Variants in EXOC6 observed in about 807,000 individuals in gnomAD.
EXOC6 encodes the protein exocyst complex component 6.
EXOC6 carries 60 observed loss-of-function variants against 112.5 expected under a neutral mutation model. The ratio of observed to expected loss-of-function variants is 0.53; its 90% CI spans 0.43 to 0.66. The LOEUF (loss-of-function observed/expected upper bound fraction) is 0.66, where lower values mean the gene tolerates loss of function less well. Ranked by LOEUF, EXOC6 falls within the 30% of genes least tolerant of loss-of-function variation. The pLI, the probability that EXOC6 is intolerant of heterozygous loss-of-function variation, is 0.00. For synonymous variants in EXOC6, 295 were observed against 308.0 expected, an observed-to-expected ratio of 0.96 and a Z score of 0.44; for missense variants, 855 against 957.1, an observed-to-expected ratio of 0.89 and a Z score of 1.41.
intron 1 of EXOC6, among the ~76,000 whole-genome samples, chr10:92,860,779 T>C (rs1847875726): frequency 6.6e-6 from 1 of 152,210 alleles, no homozygotes; most frequent in East Asian, 1.9e-4. Flanking sequence ...GTAGCACATG[T>C]CATACTTTTC....
chr10:93,014,949 GT>G (rs1004842922), intron 20 of EXOC6, among the ~76,000 whole-genome samples: 103 of 136,992 alleles, frequency 7.5e-4, no homozygotes, highest in African/African-American at 2.6e-3. Flanking sequence ...TCCTCTTTTT[GT>G]TTTTTTTTAA....
In EXOC6 at chr10:92,939,716, G is replaced by GGTTA. The variant is rs200223046; in HGVS notation, c.1213-1009_1213-1006dup. On this transcript the variant is annotated intron_variant, in intron 12 of 21. Transcript: ENST00000260762. Reference sequence around the variant, plus strand: ...TAGCGAGCTAGAAGAAAAGACTAAAGGTTAGAGATAGAAGTTACACAAGGA... The same window carrying GGTTA: ...TAGCGAGCTAGAAGAAAAGACTAAAGGTTAGTTAGAGATAGAAGTTACACAAGGA... 3.4e-3 allele frequency among the ~76,000 whole-genome samples: 513 copies of GGTTA among 152,176 alleles called. 2 individuals are homozygous for GGTTA. Among genetic ancestry groups the GGTTA allele is most frequent in the Admixed American group, 0.011 (171 of 15,280 alleles).
At chr10:92,956,968 C>CT (rs1343926035) in intron 17 of EXOC6, among the ~76,000 whole-genome samples, 1 of 152,028 alleles carries the variant, frequency 6.6e-6, no homozygotes, top group Non-Finnish European at 1.5e-5. Flanking sequence ...TCTGAGCACT[C>CT]TGTTTAGACT....
chr10:93,015,190 A>G (rs924189615), intron 20 of EXOC6, among the ~76,000 whole-genome samples: 11 of 152,198 alleles, frequency 7.2e-5, no homozygotes, highest in Admixed American at 3.9e-4. Flanking sequence ...CATCATTGGT[A>G]TGAACAGACT....
At chr10:92,909,909 C>T (rs933873422) in intron 6 of EXOC6, among the ~76,000 whole-genome samples, 1 of 152,162 alleles carries the variant, frequency 6.6e-6, no homozygotes, top group Non-Finnish European at 1.5e-5. Context: ...TCCTTTACCA[C>T]CAGCCAAATC....
intron 1 of EXOC6, among the ~76,000 whole-genome samples, chr10:92,874,497 A>G (rs561090531): frequency 3.5e-4 from 54 of 152,182 alleles, no homozygotes; most frequent in Non-Finnish European, 7.2e-4. Flanking sequence ...ATTTGGGAAG[A>G]TATGCTCTAA....
intron 1 of EXOC6, among the ~76,000 whole-genome samples, chr10:92,840,667 CTT>C (rs572526057): frequency 6.9e-5 from 10 of 144,118 alleles, no homozygotes; most frequent in Non-Finnish European, 6.1e-5. Flanking sequence ...GAGTGTAGAA[CTT>C]TTTTTTTTTT....
intron 1 of EXOC6, among the ~76,000 whole-genome samples, chr10:92,875,377 A>G (rs147800147): frequency 2.0e-5 from 3 of 152,162 alleles, no homozygotes; most frequent in Non-Finnish European, 4.4e-5. Flanking sequence ...ACACACAAAT[A>G]TATTTTATAT....
intron 17 of EXOC6, among the ~76,000 whole-genome samples, chr10:92,971,234 C>T (rs1320729917): frequency 6.6e-6 from 1 of 151,744 alleles, no homozygotes; most frequent in Non-Finnish European, 1.5e-5. Context: ...TTAGTAGAGA[C>T]AAGGTTTCAC....
In EXOC6 at chr10:93,058,289, G is replaced by A. The variant is rs1846639192; in HGVS notation, c.2349G>A (p.Gln783=). The change falls in exon 22 of 22, where the codon CAG becomes CAA. Residue 783 remains glutamine (Q), a synonymous_variant. Coordinates refer to ENST00000260762, the MANE Select transcript of EXOC6 (RefSeq NM_019053.6). ...TCAGGAAGAATGATCGAGACAAACA[G>A]AAGTTGATAGAGACAGTCGTGAAAC... is the stretch of plus-strand genomic sequence containing the variant. The part of the protein sequence containing the change: ...AQFRKNDRDK[Q]KLIETVVKQL... 6 of 1,611,856 alleles carry A rather than the reference G, an allele frequency of 3.7e-6. No homozygotes were observed. The highest frequency in any genetic ancestry group is 1.3e-5 in the African/African-American group (1 of 74,952).
At chr10:92,954,305 C>G (rs1350013086) in intron 15 of EXOC6, among the ~76,000 whole-genome samples, 1 of 152,000 alleles carries the variant, frequency 6.6e-6, no homozygotes, top group Non-Finnish European at 1.5e-5. Context: ...AATAATAAAA[C>G]AACAAAGTTA....
chr10:92,960,408 A>G (rs907183242), intron 17 of EXOC6, among the ~76,000 whole-genome samples: 3 of 152,160 alleles, frequency 2.0e-5, no homozygotes, highest in African/African-American at 4.8e-5. Context: ...CAGTGAGACT[A>G]TTGCTCTAAA....
intron 9 of EXOC6, among the ~76,000 whole-genome samples, chr10:92,933,902 T>G (rs1287660386): frequency 6.6e-6 from 1 of 152,168 alleles, no homozygotes; most frequent in Non-Finnish European, 1.5e-5. Flanking sequence ...TTGATTAGTC[T>G]GCTGAGAAGG....
At chr10:92,828,325 A>G (rs1275175039) in intron 1 of EXOC6, among the ~76,000 whole-genome samples, 1 of 152,120 alleles carries the variant, frequency 6.6e-6, no homozygotes, top group Non-Finnish European at 1.5e-5. Flanking sequence ...AGCAAACAAG[A>G]TATTAGTGTT....
chr10:92,918,034 A>C (rs1446850694), intron 7 of EXOC6, among the ~76,000 whole-genome samples: 1 of 152,152 alleles, frequency 6.6e-6, no homozygotes, highest in Non-Finnish European at 1.5e-5. Context: ...ATTCCCAGCT[A>C]CTGGGGAGGC....
At chr10:92,866,859 C>A (rs982914156) in intron 1 of EXOC6, among the ~76,000 whole-genome samples, 4 of 152,118 alleles carry the variant, frequency 2.6e-5, no homozygotes, top group Non-Finnish European at 5.9e-5. Flanking sequence ...AAGTCTAACA[C>A]ATTTAACATA....
rs116998871 is a variant in EXOC6 at position 93,044,171 on chromosome 10, A to G, written c.2170-12753A>G. On this transcript the variant is annotated intron_variant, in intron 20 of 21. Coordinates refer to ENST00000260762, the MANE Select transcript of EXOC6 (RefSeq NM_019053.6). ...TTGAGGCTATGGAAAGACTACATTT[A>G]TCTGTTGAAACAGACTAAGCAGCAA... Among the ~76,000 whole-genome samples the G allele has an allele frequency of 5.2e-3, 785 of 152,308 alleles. 4 individuals are homozygous for G. Among genetic ancestry groups the G allele is most frequent in the Non-Finnish European group, 6.5e-3 (445 of 68,020 alleles).
chr10:93,048,408 A>G (rs946518386), intron 20 of EXOC6, among the ~76,000 whole-genome samples: 4 of 152,118 alleles, frequency 2.6e-5, no homozygotes, highest in Non-Finnish European at 2.9e-5. Context: ...ATAAGAATTT[A>G]TTAACATTGG....
At chr10:93,040,800 T>C (rs1036432344) in intron 20 of EXOC6, among the ~76,000 whole-genome samples, 5 of 152,190 alleles carry the variant, frequency 3.3e-5, no homozygotes, top group African/African-American at 9.7e-5. Flanking sequence ...GTGGATCATG[T>C]TCTCTTTAAA....
Sources: allele counts gnomAD v4.1 joint callset (sites outside exome capture counted in the v4.1 genomes callset), GRCh38; gene constraint gnomAD v4.1.1; transcripts MANE v1.5; gene names NCBI Gene and HGNC (gene_info 2026-07-23, HGNC 2026-07-21).